Variants in DYRK1A observed in about 807,000 individuals in gnomAD.
DYRK1A encodes the protein dual specificity tyrosine-phosphorylation-regulated kinase 1A.
In DYRK1A, 9 loss-of-function variants were observed where a neutral mutation model predicts 79.7. The observed-to-expected ratio is 0.11, with a 90% CI of 0.07 to 0.20. The LOEUF (loss-of-function observed/expected upper bound fraction) is 0.20, where lower values mean the gene tolerates loss of function less well. Ranked by LOEUF, DYRK1A falls within the 10% of genes least tolerant of loss-of-function variation. The pLI is 1.00. For missense variants in DYRK1A, 622 were observed against 956.0 expected (o/e 0.65, Z 4.61); for synonymous variants, 349 against 329.7 (o/e 1.06, Z -0.63).
At chr21:37,430,490 C>G in intron 2 of DYRK1A, 1 of 847,770 alleles carries the variant, frequency 1.2e-6, no homozygotes, top group Non-Finnish European at 1.4e-6. Flanking sequence ...GTTCCATGCA[C>G]CGCGCAAATA....
At chr21:37,486,208 C>G (rs767827596) in intron 5 of DYRK1A, 6 of 235,024 alleles carry the variant, frequency 2.6e-5, no homozygotes, top group Non-Finnish European at 4.0e-5. Flanking sequence ...AGAAAATTAT[C>G]TATTTTGTGG....
At chr21:37,398,109 G>A (rs1168319662) in intron 1 of DYRK1A, among the ~76,000 whole-genome samples, 1 of 146,392 alleles carries the variant, frequency 6.8e-6, no homozygotes. Context: ...ATATATTTTT[G>A]TATATTTTAT....
intron 3 of DYRK1A, among the ~76,000 whole-genome samples, chr21:37,477,256 A>C (rs551070170): frequency 6.6e-6 from 1 of 152,116 alleles, no homozygotes; most frequent in Non-Finnish European, 1.5e-5. Flanking sequence ...TCCCAGCACA[A>C]ATGTCCAGAA....
chr21:37,470,993 C>G (rs956819229), intron 2 of DYRK1A, among the ~76,000 whole-genome samples: 3 of 152,108 alleles, frequency 2.0e-5, no homozygotes, highest in African/African-American at 7.2e-5. Context: ...AGTTAAGGAC[C>G]TCACTGTAAT....
chr21:37,400,415 T>C (rs186192208), intron 1 of DYRK1A, among the ~76,000 whole-genome samples: 17 of 152,338 alleles, frequency 1.1e-4, no homozygotes, highest in African/African-American at 4.1e-4. Context: ...CACACTCCTA[T>C]AAATTATTTG....
In DYRK1A at chr21:37,462,963, A is replaced by G. The variant is rs180911677; in HGVS notation, c.11-9721A>G. 1.2e-4 allele frequency among the ~76,000 whole-genome samples: 19 copies of G among 152,346 alleles called. 2 individuals are homozygous for G. The South Asian group carries it at 3.7e-3, about 30-fold the overall frequency. On this transcript the variant is annotated intron_variant, in intron 2 of 11. Coordinates refer to ENST00000647188, the MANE Select transcript of DYRK1A (RefSeq NM_001347721.2). ...TGGTACCAGGTACTCTACAAAGGTC[A>G]TAAGTGGAAATCTGATAATACAAAT...
intron 6 of DYRK1A, 33 bp downstream of exon 6, chr21:37,486,647 C>A: frequency 7.1e-7 from 1 of 1,415,732 alleles, no homozygotes. Flanking sequence ...CAGTGTGCCC[C>A]AACCCACACC....
At chr21:37,477,635 A>G (rs1445778508) in intron 3 of DYRK1A, among the ~76,000 whole-genome samples, 1 of 152,100 alleles carries the variant, frequency 6.6e-6, no homozygotes, top group Non-Finnish European at 1.5e-5. Flanking sequence ...AGGGGCAGAT[A>G]TTTGTCAGAG....
intron 1 of DYRK1A, among the ~76,000 whole-genome samples, chr21:37,400,541 C>T (rs1176244018): frequency 6.6e-6 from 1 of 152,174 alleles, no homozygotes; most frequent in Admixed American, 6.6e-5. Flanking sequence ...ACTTGATGAT[C>T]CAAATTTGAG....
At chr21:37,386,772 CCTTTAGTCACTGGCAGGCT>C (rs1166594624) in intron 1 of DYRK1A, among the ~76,000 whole-genome samples, 2 of 152,152 alleles carry the variant, frequency 1.3e-5, no homozygotes, top group Non-Finnish European at 2.9e-5. Flanking sequence ...CTCATTTCCC[CCTTTAGTCACTGGCAGGCT>C]CTATCCTCAG....
chr21:37,437,711 G>C (rs538072243), intron 2 of DYRK1A, among the ~76,000 whole-genome samples: 2 of 152,264 alleles, frequency 1.3e-5, no homozygotes, highest in South Asian at 4.1e-4. Flanking sequence ...TTGCTGAGTA[G>C]TATTTCATTG....
rs2053787570 is a variant in DYRK1A, at chr21:37,512,583, T to G, written c.*52T>G. On this transcript the variant is annotated 3_prime_UTR_variant, in exon 12 of 12. Coordinates refer to ENST00000647188, the MANE Select transcript of DYRK1A (RefSeq NM_001347721.2). ...TGTGTGTTTTTATAGAAGTGGTGTT[T>G]TTTTTCCAAAAACAAAGTGCAAAGC... 6.3e-7 allele frequency: 1 copy of G among 1,576,808 alleles called. No individual in the cohort carries two copies. The highest frequency in any genetic ancestry group is 8.6e-7 in the Non-Finnish European group (1 of 1,160,258).
chr21:37,423,846 A>C (rs577246528), intron 2 of DYRK1A, among the ~76,000 whole-genome samples: 1 of 152,150 alleles, frequency 6.6e-6, no homozygotes, highest in South Asian at 2.1e-4. Context: ...TGTCTATGTC[A>C]TAATTCTTAT....
At chr21:37,463,012 C>G (rs2051895629) in intron 2 of DYRK1A, among the ~76,000 whole-genome samples, 1 of 152,124 alleles carries the variant, frequency 6.6e-6, no homozygotes, top group South Asian at 2.1e-4. Context: ...ATGTTTTTAT[C>G]CATAACCCAT....
chr21:37,469,618 G>A (rs1005617689), intron 2 of DYRK1A, among the ~76,000 whole-genome samples: 6 of 152,178 alleles, frequency 3.9e-5, no homozygotes, highest in Non-Finnish European at 7.3e-5. Flanking sequence ...GGCAGAAGGC[G>A]TTGGAGAAGC....
chr21:37,505,304 C>T lies in DYRK1A; in HGVS notation c.1234C>T (p.Arg412Cys), dbSNP rs778345859. The change falls in exon 10 of 12, where the codon CGT becomes TGT. Residue 412 changes from arginine (R) to cysteine (C), a missense_variant. Arg to Cys is a radical substitution (Grantham distance 180). Around this residue, in one of 5 missense-constraint regions of DYRK1A, gnomAD observed 80 missense variants for 116.5 expected, o/e 0.69. Transcript: ENST00000647188. Reference sequence around the variant, plus strand: ...ACAGGAGTACAAACCACCAGGAACCCGTAAACTTCATAACATTCTTGGAGT... The same window carrying T: ...ACAGGAGTACAAACCACCAGGAACCTGTAAACTTCATAACATTCTTGGAGT... ...GKREYKPPGT[R>C]KLHNILGVET... 9 of 1,612,394 alleles carry T rather than the reference C, an allele frequency of 5.6e-6. No homozygotes were observed. Among genetic ancestry groups the T allele is most frequent in the Admixed American group, 1.7e-5 (1 of 59,952 alleles).
chr21:37,460,908 A>G (rs776560832), intron 2 of DYRK1A, among the ~76,000 whole-genome samples: 1 of 152,194 alleles, frequency 6.6e-6, no homozygotes, highest in Non-Finnish European at 1.5e-5. Flanking sequence ...CCTCTGTACA[A>G]TATGATAATT....
At chr21:37,432,602 T>C (rs1351465535) in intron 2 of DYRK1A, among the ~76,000 whole-genome samples, 1 of 152,154 alleles carries the variant, frequency 6.6e-6, no homozygotes, top group Non-Finnish European at 1.5e-5. Context: ...TATAAAGCTG[T>C]GTTCTATTTC....
intron 5 of DYRK1A, among the ~76,000 whole-genome samples, chr21:37,485,764 C>T (rs571208226): frequency 9.1e-4 from 139 of 152,052 alleles, no homozygotes; most frequent in African/African-American, 2.5e-3. Context: ...GTATGAACCT[C>T]GTTTTAAATG....
Sources: allele counts gnomAD v4.1 joint callset (sites outside exome capture counted in the v4.1 genomes callset), GRCh38; gene constraint gnomAD v4.1.1; regional missense constraint gnomAD v4.1.1; transcripts MANE v1.5; gene names NCBI Gene and HGNC (gene_info 2026-07-23, HGNC 2026-07-21).